The following ZNF454 variants were observed in gnomAD, a reference collection of about 807,000 sequenced individuals.
The protein encoded by ZNF454 is zinc finger protein 454.
A neutral mutation model predicts 48.2 loss-of-function variants in ZNF454; 30 were observed. That is an observed-to-expected ratio of 0.62 (90% CI 0.47 to 0.84). The LOEUF is 0.84. Among genes scored for constraint, ZNF454 ranks in the 40% least tolerant of loss-of-function variants. The pLI is 0.00. For synonymous variants in ZNF454, 204 were observed against 211.4 expected (o/e 0.97, Z 0.30); for missense variants, 510 against 623.1 (o/e 0.82, Z 1.93).
rs376631137 is a variant in ZNF454 at position 178,966,216 on chromosome 5, C to T, written c.*243C>T. 25 of 355,782 alleles carry T rather than the reference C, an allele frequency of 7.0e-5. No homozygotes were observed. The highest frequency in any genetic ancestry group is 2.6e-4 in the East Asian group (6 of 22,852). 22.0% of individuals were successfully genotyped at this position (355,782 alleles called of 1,614,324 possible). ...TTGGGAGGCCGAGGTGGGCGGATCA[C>T]GAGGTCAGGAGATCGAGACCATCCT... On this transcript the variant is annotated 3_prime_UTR_variant, in exon 5 of 5. Coordinates refer to ENST00000519564, the MANE Select transcript of ZNF454 (RefSeq NM_001178089.3).
the ZNF454 span, chr5:178,985,763 A>G: frequency 4.3e-6 from 2 of 462,434 alleles, no homozygotes; most frequent in Non-Finnish European, 8.4e-6. Flanking sequence ...TAAAAACGGC[A>G]TTTATCTTTT....
In ZNF454 at chr5:178,944,265, C is replaced by T. The variant is rs115226837; in HGVS notation, c.33+1441C>T. Among the ~76,000 whole-genome samples, 253 of 152,302 alleles carry T rather than the reference C, an allele frequency of 1.7e-3. No individual in the cohort carries two copies. Among genetic ancestry groups the T allele is most frequent in the Non-Finnish European group, 2.9e-3 (196 of 68,034 alleles). On this transcript the variant is annotated intron_variant, in intron 2 of 4. Coordinates refer to ENST00000519564, the MANE Select transcript of ZNF454 (RefSeq NM_001178089.3). This position sits in a 1 kb window ranked among gnomAD's most constrained non-coding sequence, Gnocchi z 4.1. ...CTCCTCCTCTTGGCTTCTGACTTGT[C>T]ACTTAGGACCCTTCTCATGCACCAC...
At chr5:178,977,925 C>T in the ZNF454 span, among the ~76,000 whole-genome samples, 5 of 152,188 alleles carry the variant, frequency 3.3e-5, no homozygotes, top group African/African-American at 4.8e-5. Flanking sequence ...TACACCCTTG[C>T]GTGCCTTTTA....
chr5:178,973,136 T>A, the ZNF454 span, among the ~76,000 whole-genome samples: 1 of 146,402 alleles, frequency 6.8e-6, no homozygotes, highest in East Asian at 2.0e-4. Flanking sequence ...TCTCTGTCCC[T>A]CTCTCTCTCT....
At chr5:178,964,593 C>G in intron 4 of ZNF454, 62 bp from the exon 5 acceptor site, 1 of 1,280,608 alleles carries the variant, frequency 7.8e-7, no homozygotes, top group Non-Finnish European at 1.1e-6. Context: ...GGCTCGTCAT[C>G]TTGCCCCATC....
intron 4 of ZNF454, 89 bp from the exon 5 acceptor site, chr5:178,964,566 T>C: frequency 1.0e-6 from 1 of 997,260 alleles, no homozygotes; most frequent in Non-Finnish European, 1.5e-6. Flanking sequence ...GAAATCTTTC[T>C]GTTAGCATTA....
chr5:178,968,105 T>TCACACACACA (rs3031585), downstream of ZNF454, among the ~76,000 whole-genome samples: 11,459 of 144,956 alleles, frequency 0.079, 511 homozygotes, highest in Middle Eastern at 0.14. Flanking sequence ...CATCTGTGCA[T>TCACACACACA]CACACACACA....
Position 178,946,931 on chromosome 5 carries a change from G to T in ZNF454, c.195G>T (p.Gln65His). 1.2e-6 allele frequency: 2 copies of T among 1,613,986 alleles called. No homozygotes were observed. The highest frequency in any genetic ancestry group is 1.7e-6 in the Non-Finnish European group (2 of 1,179,964). Residue 65 changes from glutamine (Q) to histidine (H), a missense_variant, in exon 4 of 5, where the codon CAG becomes CAT. Coordinates refer to ENST00000519564, the MANE Select transcript of ZNF454 (RefSeq NM_001178089.3). The surrounding 1 kb of genome is among the most constrained non-coding windows in gnomAD (Gnocchi z 4.5). The stretch of plus-strand genomic sequence containing the variant: ...GACCCAAACCAGATACGTTTTCCCA[G>T]CTAGAAAAAAGGGAAGTGTGGATGC... ...LLGPKPDTFS[Q>H]LEKREVWMPE... is the part of the protein sequence containing the mutation.
chr5:178,981,428 T>C, the ZNF454 span: 7 of 515,580 alleles, frequency 1.4e-5, no homozygotes, highest in African/African-American at 9.6e-5. The surrounding 1 kb of genome is among the most constrained non-coding windows in gnomAD (Gnocchi z 5.1). Context: ...TTTCCCACCA[T>C]GGGAAGCGAG....
At chr5:178,989,211 A>AGCCCCC in the ZNF454 span, 2 of 121,726 alleles carry the variant, frequency 1.6e-5, no homozygotes, top group Non-Finnish European at 2.6e-5. Flanking sequence ...CCCCCTCCCC[A>AGCCCCC]CCCTCACCAC....
intron 4 of ZNF454, among the ~76,000 whole-genome samples, chr5:178,963,742 G>A (rs1170933333): frequency 2.0e-5 from 3 of 151,728 alleles, no homozygotes; most frequent in Admixed American, 6.6e-5. Context: ...TATGGGTTTG[G>A]AGACATTGCT....
chr5:178,989,016 C>A, the ZNF454 span: 18 of 1,613,974 alleles, frequency 1.1e-5, no homozygotes, highest in African/African-American at 2.4e-4. Flanking sequence ...CCTGTGTGCC[C>A]AGGGCAGAGC....
chr5:178,988,301 A>G, the ZNF454 span, among the ~76,000 whole-genome samples: 1 of 152,182 alleles, frequency 6.6e-6, no homozygotes, highest in Admixed American at 6.5e-5. The surrounding 1 kb of genome is among the most constrained non-coding windows in gnomAD (Gnocchi z 6.0). Context: ...GAGTCATATT[A>G]AATGGAATTG....
intron 4 of ZNF454, among the ~76,000 whole-genome samples, chr5:178,954,055 T>G (rs1759655016): frequency 6.6e-6 from 1 of 152,096 alleles, no homozygotes; most frequent in Admixed American, 6.6e-5. Flanking sequence ...AGTCAGAAGT[T>G]CGAGACCAGC....
intron 1 of ZNF454, chr5:178,942,401 G>C (rs1308930179): frequency 2.3e-5 from 4 of 174,086 alleles, no homozygotes; most frequent in African/African-American, 9.5e-5. Flanking sequence ...GCGAGACTCT[G>C]TCTCAAACAA....
the ZNF454 span, chr5:178,986,890 C>A: frequency 6.2e-7 from 1 of 1,614,196 alleles, no homozygotes; most frequent in Admixed American, 1.7e-5. Context: ...CCCGCCACTG[C>A]TGGCACTGCC....
At chr5:178,950,481 A>C (rs1272303473) in intron 4 of ZNF454, among the ~76,000 whole-genome samples, 13 of 152,052 alleles carry the variant, frequency 8.5e-5, no homozygotes, top group Admixed American at 8.5e-4. Flanking sequence ...CCGGCAGGAG[A>C]CTCGCCCGAC....
the ZNF454 span, among the ~76,000 whole-genome samples, chr5:178,975,484 T>G: frequency 1.3e-5 from 2 of 152,220 alleles, no homozygotes; most frequent in African/African-American, 4.8e-5. Flanking sequence ...CACTACACTA[T>G]TCTGCATGTA....
intron 4 of ZNF454, among the ~76,000 whole-genome samples, chr5:178,949,809 G>A (rs969020665): frequency 1.3e-5 from 2 of 152,104 alleles, no homozygotes; most frequent in African/African-American, 4.8e-5. Flanking sequence ...TAGAGATGGG[G>A]TTTTACCATG....
Sources: gnomAD v4.1 joint callset for allele counts (sites outside exome capture counted in the v4.1 genomes callset) on GRCh38, gnomAD v4.1.1 for gene constraint, Gnocchi (gnomAD v3.1) non-coding constraint, MANE v1.5 for transcripts, NCBI Gene and HGNC (gene_info 2026-07-23, HGNC 2026-07-21) for gene names.